OPLAH: variants seen among roughly 807,000 people sequenced by gnomAD.
OPLAH encodes 5-oxoprolinase.
In OPLAH, 103 loss-of-function variants were observed where a neutral mutation model predicts 122.8. The ratio of observed to expected loss-of-function variants is 0.84; its 90% CI spans 0.71 to 0.99. The LOEUF is 0.99. OPLAH is among the 50% of genes least tolerant of loss of function. OPLAH has a pLI of 0.00. For missense variants in OPLAH, 1,902 were observed against 1,836.5 expected (o/e 1.04, Z -0.65); for synonymous variants, 875 against 796.0 (o/e 1.10, Z -1.67).
chr8:144,051,503 G>A, intron 26 of OPLAH, 31 bp from the exon 27 acceptor site: 7 of 1,366,518 alleles, frequency 5.1e-6, no homozygotes, highest in Non-Finnish European at 6.9e-6. Context: ...GGGGAGGCGG[G>A]CTCAGTGCAG....
In OPLAH at chr8:144,051,792, C is replaced by T. The variant is rs782128446; in HGVS notation, c.3657G>A (p.Leu1219=). The T allele has an allele frequency of 1.3e-5, 21 of 1,604,224 alleles. No homozygotes were observed. The African/African-American group carries it at 2.6e-4, about 20-fold the overall frequency. Residue 1219 remains leucine, a synonymous_variant, in exon 26 of 27, where the codon CTG becomes CTA. Coordinates refer to ENST00000618853, the MANE Select transcript of OPLAH (RefSeq NM_017570.5). ...TCACCGTCCGGCCGTTTTTGCGGAT[C>T]AGCAGGTTTAGGCCGCGGGCGCCAG... is the stretch of plus-strand genomic sequence containing the variant. ...GEPGARGLNL[L]IRKNGRTVNL...
At chr8:144,051,634 C>T (rs1450338843) in intron 26 of OPLAH, 95 bp downstream of exon 26, 4 of 1,205,638 alleles carry the variant, frequency 3.3e-6, no homozygotes, top group Non-Finnish European at 4.6e-6. Context: ...AAATTAAACT[C>T]GGCCTCTGGT....
chr8:144,060,161 G>A (rs924101217), intron 1 of OPLAH, 76 bp from the exon 2 acceptor site: 3 of 1,066,008 alleles, frequency 2.8e-6, no homozygotes, highest in South Asian at 1.6e-5. Flanking sequence ...CATGCGGGGG[G>A]TTCCTGAGGG....
At chr8:144,051,884 G>C in intron 25 of OPLAH, 32 bp downstream of exon 25, 1 of 1,127,418 alleles carries the variant, frequency 8.9e-7, no homozygotes, top group Non-Finnish European at 1.2e-6. Flanking sequence ...GGCGGGGGCG[G>C]GGAGGGCCGC....
rs782034870 is a variant in OPLAH at position 144,059,963 on chromosome 8, G to A, written c.70C>T (p.Gln24Ter). The change falls in exon 2 of 27, where the codon CAG becomes TAG. Residue 24 changes from glutamine to a stop codon, truncating the protein, a stop_gained. Transcript: ENST00000618853. LOFTEE classifies it high-confidence loss of function. ...ACCCGCACGTGCCCCCCTGGGCACTGGGCAAAGACGTCTGTGAAGGTACCC... is the reference window on the plus strand; with the variant it reads ...ACCCGCACGTGCCCCCCTGGGCACTAGGCAAAGACGTCTGTGAAGGTACCC... Reference protein sequence around the residue: ...RGGTFTDVFAQCPGGHVRVLK... With the variant: ...RGGTFTDVFA The A allele has an allele frequency of 3.7e-6, 6 of 1,612,762 alleles. No homozygotes were observed. Among genetic ancestry groups the A allele is most frequent in the Admixed American group, 1.7e-5 (1 of 60,022 alleles).
Position 144,058,476 on chromosome 8 carries a change from G to A in OPLAH, c.783+20C>T. ...GGCCCAGGCCCAGGAGTGGGCAGTG[G>A]GGGTGCCTCACAGCCTCACCTTGAG... On this transcript the variant is annotated intron_variant, in intron 6 of 26. Coordinates refer to ENST00000618853, the MANE Select transcript of OPLAH (RefSeq NM_017570.5). 2 of 1,576,320 alleles carry A rather than the reference G, an allele frequency of 1.3e-6. No homozygotes were observed. The highest frequency in any genetic ancestry group is 1.7e-6 in the Non-Finnish European group (2 of 1,164,712).
chr8:144,056,024 AC>A (rs1239202148), intron 15 of OPLAH, 85 bp from the exon 16 acceptor site: 2 of 1,490,552 alleles, frequency 1.3e-6, no homozygotes, highest in Non-Finnish European at 1.8e-6. Context: ...GCCAGGGGCC[AC>A]CCCAACGATG....
chr8:144,059,386 G>A (rs1487120642), intron 3 of OPLAH, among the ~76,000 whole-genome samples: 1 of 152,210 alleles, frequency 6.6e-6, no homozygotes, highest in Non-Finnish European at 1.5e-5. Context: ...CCAGCATCCA[G>A]GGTGGGCATG....
At chr8:144,061,758 C>G (rs1159863210), upstream of OPLAH, among the ~76,000 whole-genome samples, 1 of 152,174 alleles carries the variant, frequency 6.6e-6, no homozygotes, top group Non-Finnish European at 1.5e-5. Flanking sequence ...CACGGTGGCT[C>G]ACGCCTGTAA....
rs1554758558 is a variant in OPLAH, at chr8:144,054,846, C to A, written c.2477G>T (p.Gly826Val). 1.2e-6 allele frequency: 2 copies of A among 1,611,900 alleles called. No homozygotes were observed. The highest frequency in any genetic ancestry group is 1.1e-5 in the South Asian group (1 of 91,074). Residue 826 changes from glycine (G) to valine (V), a missense_variant, in exon 18 of 27, where the codon GGC becomes GTC. Coordinates refer to ENST00000618853, the MANE Select transcript of OPLAH (RefSeq NM_017570.5). ...AACAGTCAGGTCTGGCAGGTGGCTG[C>A]CCCCGGCACTGGGATGGTTGCTCAG... ...VLLSNHPSAG[G>V]SHLPDLTVIT...
Position 144,057,601 on chromosome 8 carries a change from G to A in OPLAH, c.1269C>T (p.Ser423=), listed in dbSNP as rs781884387. ...GENQPLSPEA[S]RKALEAVATE... is the part of the protein sequence containing the mutation. Reference sequence around the variant, plus strand: ...TGGCCACAGCCTCCAGGGCTTTGCGGGAGGCCTCAGGGGAAAGTGGTTGGT... The same window carrying A: ...TGGCCACAGCCTCCAGGGCTTTGCGAGAGGCCTCAGGGGAAAGTGGTTGGT... Residue 423 remains serine, a synonymous_variant, in exon 10 of 27, where the codon TCC becomes TCT. Transcript: ENST00000618853. 6 of 1,586,788 alleles carry A rather than the reference G, an allele frequency of 3.8e-6. No individual in the cohort carries two copies. The highest frequency in any genetic ancestry group is 5.1e-6 in the Non-Finnish European group (6 of 1,165,902).
At chr8:144,060,328 G>A (rs1031285081) in intron 1 of OPLAH, among the ~76,000 whole-genome samples, 2 of 152,224 alleles carry the variant, frequency 1.3e-5, no homozygotes, top group Non-Finnish European at 2.9e-5. Flanking sequence ...CCGAAACCCA[G>A]GCAGCGGAGC....
intron 1 of OPLAH, among the ~76,000 whole-genome samples, chr8:144,060,382 G>T (rs1835638836): frequency 6.6e-6 from 1 of 152,242 alleles, no homozygotes. Flanking sequence ...GAGCCCTCGG[G>T]CGGGGTCCCT....
rs370557920 is a variant in OPLAH, at chr8:144,052,965, A to G, written c.3018+18T>C. ...CACCGTGCCCCTGCCGCCTAGAGGC[A>G]CTCTCCCCACGGCCCACCTGACTCA... On this transcript the variant is annotated intron_variant, in intron 21 of 26. Transcript: ENST00000618853. The G allele has an allele frequency of 1.9e-4, 296 of 1,587,098 alleles. No individual in the cohort carries two copies. The African/African-American group carries it at 2.4e-3, about 13-fold the overall frequency.
At chr8:144,051,682 G>T in intron 26 of OPLAH, 47 bp downstream of exon 26, 1 of 1,241,322 alleles carries the variant, frequency 8.1e-7, no homozygotes, top group Non-Finnish European at 1.1e-6. Context: ...GGATGGGGCC[G>T]GGAGGGGAGG....
At chr8:144,060,952 T>C (rs1221590634), upstream of OPLAH, among the ~76,000 whole-genome samples, 1 of 152,334 alleles carries the variant, frequency 6.6e-6, no homozygotes, top group Non-Finnish European at 1.5e-5. Flanking sequence ...CCAGGTGTCC[T>C]GGGCAAGGGG....
rs553686674 is a variant in OPLAH, at chr8:144,057,084, G to T, written c.1570C>A (p.Leu524Met). 1 of 1,602,866 alleles carries T rather than the reference G, an allele frequency of 6.2e-7. No individual in the cohort carries two copies. Among genetic ancestry groups the T allele is most frequent in the Admixed American group, 1.7e-5 (1 of 58,420 alleles). The change falls in exon 12 of 27, where the codon CTG becomes ATG. Residue 524 changes from leucine (L) to methionine (M), a missense_variant. Physicochemically the swap from Leu to Met is conservative, Grantham distance 15. Coordinates refer to ENST00000618853, the MANE Select transcript of OPLAH (RefSeq NM_017570.5). ...SGLLSALGLALADVVHEAQEP... is the reference protein window; with the variant it reads ...SGLLSALGLAMADVVHEAQEP... Reference sequence around the variant, plus strand: ...TGTGCCTCATGCACCACGTCAGCCAGGGCCAGCCCCAGGGCCGACAGCAGC... The same window carrying T: ...TGTGCCTCATGCACCACGTCAGCCATGGCCAGCCCCAGGGCCGACAGCAGC...
Position 144,053,002 on chromosome 8 carries a change from A to G in OPLAH, c.2999T>C (p.Val1000Ala). 6.2e-7 allele frequency: 1 copy of G among 1,602,454 alleles called. No individual in the cohort carries two copies. Among genetic ancestry groups the G allele is most frequent in the Non-Finnish European group, 8.5e-7 (1 of 1,175,422 alleles). The change falls in exon 21 of 27, where the codon GTG becomes GCG. Residue 1000 changes from valine to alanine, a missense_variant. By Grantham distance (64) the Val-to-Ala change is moderately conservative (BLOSUM62 0). Coordinates refer to ENST00000618853, the MANE Select transcript of OPLAH (RefSeq NM_017570.5). ...GCCCACCTGACTCAGGCTGATCTGC[A>G]CACGGAGGCGGATGGGGGAACCGTC... is the stretch of plus-strand genomic sequence containing the variant. ...MDDGSPIRLR[V>A]QISLSQGSAV...
At position 144,055,265 on chromosome 8, in the gene OPLAH, C is replaced by T. The variant is rs962583966; in HGVS notation, c.2249-76G>A. ...GCCCCAGGAAAGGGAGGAACAGGAC[C>T]CACCAGGACTCAAACCCAGGACCCA... On this transcript the variant is annotated intron_variant, in intron 16 of 26. Transcript: ENST00000618853. The surrounding 1 kb of genome is among the most constrained non-coding windows in gnomAD (Gnocchi z 6.5). 18 of 1,416,476 alleles carry T rather than the reference C, an allele frequency of 1.3e-5. No homozygotes were observed. The South Asian group carries it at 1.4e-4, about 11-fold the overall frequency. The allele number at this position is 1,416,476 out of a possible 1,614,324, so 87.7% of individuals were successfully genotyped here. A position where few individuals can be genotyped will look rare whatever the true frequency, so the allele number is the denominator to read the frequency against.
Sources: gnomAD v4.1 joint callset for allele counts (sites outside exome capture counted in the v4.1 genomes callset) on GRCh38, gnomAD v4.1.1 for gene constraint, Gnocchi (gnomAD v3.1) non-coding constraint, MANE v1.5 for transcripts, NCBI Gene and HGNC (gene_info 2026-07-23, HGNC 2026-07-21) for gene names.